The following LTBP4 variants were observed in gnomAD, a reference collection of about 807,000 sequenced individuals.
LTBP4 encodes latent transforming growth factor beta binding protein 4, also known as latent-transforming growth factor beta-binding protein 4.
In LTBP4, 93 loss-of-function variants were observed where a neutral mutation model predicts 180.2. The observed-to-expected ratio is 0.52, with a 90% CI of 0.44 to 0.61. LTBP4 has a LOEUF of 0.61. LTBP4 is among the 20% of genes least tolerant of loss of function. The probability of loss-of-function intolerance (pLI) is 0.00; values close to 1 mark genes in which losing one functional copy is unlikely to be tolerated. For missense variants in LTBP4, 2,116 were observed against 2,256.5 expected (o/e 0.94, Z 1.26); for synonymous variants, 947 against 934.5 (o/e 1.01, Z -0.24).
chr19:40,609,644 A>C lies in LTBP4; in HGVS notation c.1541A>C (p.Gln514Pro). The C allele has an allele frequency of 3.1e-6, 5 of 1,613,084 alleles. No individual in the cohort carries two copies. The highest frequency in any genetic ancestry group is 4.2e-6 in the Non-Finnish European group (5 of 1,179,734). Residue 514 changes from glutamine (Q) to proline (P), a missense_variant, in exon 10 of 30, where the codon CAG (glutamine) becomes CCG (proline). Gln to Pro is a moderately conservative substitution (Grantham distance 76). Coordinates refer to ENST00000396819, the MANE Select transcript of LTBP4 (RefSeq NM_001042545.2). This position sits in a 1 kb window ranked among gnomAD's most constrained non-coding sequence, Gnocchi z 4.9. ...ACDSGFRLSP[Q>P]GTRCIDVDEC... is the part of the protein sequence containing the mutation. Reference sequence around the variant, plus strand: ...GACTCTGGCTTCCGGCTCAGCCCCCAGGGCACCCGATGCATTGGTGAGCAA... The same window carrying C: ...GACTCTGGCTTCCGGCTCAGCCCCCCGGGCACCCGATGCATTGGTGAGCAA...
At chr19:40,615,193 C>CGGGGGGGGGGGGG (rs766440164) in intron 19 of LTBP4, 7 of 23,594 alleles carry the variant, frequency 3.0e-4, no homozygotes, top group Admixed American at 1.2e-3. Context: ...TTTGTGTCGG[C>CGGGGGGGGGGGGG]GGGGGGGGGG....
Position 40,610,622 on chromosome 19 carries a change from G to A in LTBP4, c.1775G>A (p.Gly592Glu). Residue 592 changes from glycine (G) to glutamate (E), a missense_variant, in exon 12 of 30, where the codon GGG becomes GAG. Transcript: ENST00000396819. ...AGCTTCCTGTGCGTGTGCCCCGCCG[G>A]GTACCAGGCTGCACCGCACGGAGCC... ...PGSFLCVCPAGYQAAPHGASC... is the reference protein window; with the variant it reads ...PGSFLCVCPAEYQAAPHGASC... 3.1e-6 allele frequency: 5 copies of A among 1,590,048 alleles called. No homozygotes were observed. Among genetic ancestry groups the A allele is most frequent in the Non-Finnish European group, 4.3e-6 (5 of 1,175,108 alleles).
At position 40,609,663 on chromosome 19, in the gene LTBP4, T is replaced by C; in HGVS notation, c.1558+2T>C. The C allele has an allele frequency of 6.2e-7, 1 of 1,612,750 alleles. No individual in the cohort carries two copies. Among genetic ancestry groups the C allele is most frequent in the Non-Finnish European group, 8.5e-7 (1 of 1,179,388 alleles). ...GCCCCCAGGGCACCCGATGCATTGG[T>C]GAGCAAGACGGAGGGCGCGGAAGGA... is the stretch of plus-strand genomic sequence containing the variant. On this transcript the variant is annotated splice_donor_variant, in intron 10 of 29. Transcript: ENST00000396819. LOFTEE classifies it high-confidence loss of function. The surrounding 1 kb of genome is among the most constrained non-coding windows in gnomAD (Gnocchi z 4.9).
At chr19:40,628,005 C>A (rs2081650274) in intron 29 of LTBP4, 148 bp downstream of exon 29, 2 of 1,179,658 alleles carry the variant, frequency 1.7e-6, no homozygotes, top group Admixed American at 2.8e-5. Context: ...AGTAATTCTT[C>A]CACCTGGGTG....
intron 1 of LTBP4, among the ~76,000 whole-genome samples, chr19:40,602,501 C>G (rs1172775525): frequency 6.6e-6 from 1 of 152,122 alleles, no homozygotes; most frequent in Non-Finnish European, 1.5e-5. Flanking sequence ...CAGCCTGGCC[C>G]CCAGCCAGCC....
intron 19 of LTBP4, among the ~76,000 whole-genome samples, chr19:40,616,151 A>G (rs1294058303): frequency 1.3e-5 from 2 of 151,888 alleles, no homozygotes; most frequent in Non-Finnish European, 2.9e-5. Context: ...CAACTATGCT[A>G]GGTGTGGTGG....
upstream of LTBP4, chr19:40,599,796 CCT>C (rs899849873): frequency 6.9e-5 from 40 of 579,752 alleles, no homozygotes; most frequent in East Asian, 2.0e-4. Context: ...TGTCTCTTTT[CCT>C]CTCTCTCTTT....
At chr19:40,607,953 C>T (rs2081475349) in intron 7 of LTBP4, among the ~76,000 whole-genome samples, 1 of 152,222 alleles carries the variant, frequency 6.6e-6, no homozygotes, top group African/African-American at 2.4e-5. Context: ...TTCCTAGCCT[C>T]CAACTCTGTC....
chr19:40,604,968 G>C (rs1435092342), intron 1 of LTBP4, 67 bp from the exon 2 acceptor site: 19 of 1,417,902 alleles, frequency 1.3e-5, no homozygotes, highest in Non-Finnish European at 1.5e-5. Context: ...TACCTTGAGG[G>C]AGTAGGGACC....
rs1244372782 is a variant in LTBP4, at chr19:40,607,532, G to A, written c.1156+3G>A. On this transcript the variant is annotated splice_donor_region_variant and intron_variant, in intron 7 of 29. Transcript: ENST00000396819. Reference sequence around the variant, plus strand: ...GCTCTGCCCACCCTTCGGCTCAGGTGAGCCCCTGCGGCAGTGCCTAGCCCT... The same window carrying A: ...GCTCTGCCCACCCTTCGGCTCAGGTAAGCCCCTGCGGCAGTGCCTAGCCCT... The A allele has an allele frequency of 1.2e-6, 2 of 1,606,044 alleles. No homozygotes were observed. Among genetic ancestry groups the A allele is most frequent in the African/African-American group, 2.7e-5 (2 of 74,820 alleles).
At chr19:40,599,936 C>G (rs1315197967), upstream of LTBP4, 2 of 468,698 alleles carry the variant, frequency 4.3e-6, no homozygotes, top group Non-Finnish European at 7.5e-6. Context: ...GGCCTGGTCC[C>G]CATAAATAGG....
upstream of LTBP4, among the ~76,000 whole-genome samples, chr19:40,597,591 TGGA>T (rs544370807): frequency 2.0e-5 from 3 of 151,282 alleles, no homozygotes; most frequent in Admixed American, 2.0e-4. Flanking sequence ...TTTATTGTGG[TGGA>T]GAAGGCTAAG....
chr19:40,608,308 G>C lies in LTBP4; in HGVS notation c.1245G>C (p.Glu415Asp). The change falls in exon 8 of 30, where the codon GAG becomes GAC. Residue 415 changes from glutamate to aspartate, a missense_variant. By Grantham distance (45) the Glu-to-Asp change is conservative. Coordinates refer to ENST00000396819, the MANE Select transcript of LTBP4 (RefSeq NM_001042545.2). ...ACAACACCAGACCCCTGGGCCAGGAGCCACCCCGAGTGTCACTCAGCCAGC... is the reference window on the plus strand; with the variant it reads ...ACAACACCAGACCCCTGGGCCAGGACCCACCCCGAGTGTCACTCAGCCAGC... ...LRYNTRPLGQEPPRVSLSQPR... is the reference protein window; with the variant it reads ...LRYNTRPLGQDPPRVSLSQPR... 1 of 1,613,774 alleles carries C rather than the reference G, an allele frequency of 6.2e-7. No individual in the cohort carries two copies. The highest frequency in any genetic ancestry group is 8.5e-7 in the Non-Finnish European group (1 of 1,179,874).
At position 40,610,008 on chromosome 19, in the gene LTBP4, T is replaced by C. The variant is rs2303727; in HGVS notation, c.1684+137T>C. On this transcript the variant is annotated intron_variant, in intron 11 of 29. Transcript: ENST00000396819. Reference sequence around the variant, plus strand: ...ACTGCTCTGCCCTGGCCCTTGGCCCTGCCCTTCCCTGACCCGCCTCCACCC... The same window carrying C: ...ACTGCTCTGCCCTGGCCCTTGGCCCCGCCCTTCCCTGACCCGCCTCCACCC... The C allele has an allele frequency of 0.43, 528,279 of 1,230,640 alleles. 117,058 individuals carry two copies. The highest frequency in any genetic ancestry group is 0.64 in the African/African-American group (41,563 of 64,672). 76.2% of individuals were successfully genotyped at this position (1,230,640 alleles called of 1,614,324 possible).
At chr19:40,597,090 C>A (rs996239430), upstream of LTBP4, 2 of 763,194 alleles carry the variant, frequency 2.6e-6, no homozygotes, top group African/African-American at 1.8e-5. Context: ...CTGTGATTGG[C>A]GGGAAGTTCG....
intron 22 of LTBP4, among the ~76,000 whole-genome samples, chr19:40,620,214 T>A (rs1456221824): frequency 6.6e-6 from 1 of 151,298 alleles, no homozygotes; most frequent in Non-Finnish European, 1.5e-5. Flanking sequence ...TGGAAGGGGT[T>A]TCGGCGTTTT....
chr19:40,627,144 C>T lies in LTBP4; in HGVS notation c.4155C>T (p.Tyr1385=). 6.2e-7 allele frequency: 1 copy of T among 1,613,652 alleles called. No individual in the cohort carries two copies. Among genetic ancestry groups the T allele is most frequent in the South Asian group, 1.1e-5 (1 of 91,034 alleles). Reference sequence around the variant, plus strand: ...CACCTGCGCTACCCTACGACCCCTACCCACCGCCACCTGGGCCCTTCGCCC... The same window carrying T: ...CACCTGCGCTACCCTACGACCCCTATCCACCGCCACCTGGGCCCTTCGCCC... ...YPPPALPYDP[Y]PPPPGPFARR... The change falls in exon 28 of 30, where the codon TAC becomes TAT. Residue 1385 remains tyrosine, a synonymous_variant. Transcript: ENST00000396819.
In LTBP4 at chr19:40,613,024, C is replaced by A. The variant is rs369427783; in HGVS notation, c.2300-41C>A. 33 of 1,599,154 alleles carry A rather than the reference C, an allele frequency of 2.1e-5. No homozygotes were observed. In the African/African-American group the frequency reaches 3.6e-4, roughly 18 times the overall value. On this transcript the variant is annotated intron_variant, in intron 15 of 29. Transcript: ENST00000396819. This position sits in a 1 kb window ranked among gnomAD's most constrained non-coding sequence, Gnocchi z 5.0. ...CTCCAAGGGGATTGGTCGGGTGTGT[C>A]CCGAGACTGGACCCTTTCTGAACAC... is the stretch of plus-strand genomic sequence containing the variant.
chr19:40,610,381 C>T, intron 11 of LTBP4, 151 bp from the exon 12 acceptor site: 1 of 866,030 alleles, frequency 1.2e-6, no homozygotes, highest in Non-Finnish European at 1.7e-6. Context: ...GCCTCTCTCA[C>T]TGTGCCCCTC....
Sources: allele counts gnomAD v4.1 joint callset (sites outside exome capture counted in the v4.1 genomes callset), GRCh38; gene constraint gnomAD v4.1.1; non-coding constraint Gnocchi (gnomAD v3.1); transcripts MANE v1.5; gene names NCBI Gene and HGNC (gene_info 2026-07-23, HGNC 2026-07-21).